The following STK39 variants were observed in gnomAD, a reference collection of about 807,000 sequenced individuals.
STK39 encodes the protein STE20/SPS1-related proline-alanine-rich protein kinase.
A neutral mutation model predicts 77.8 loss-of-function variants in STK39; 20 were observed. That is an observed-to-expected ratio of 0.26 (90% CI 0.18 to 0.37). The LOEUF (loss-of-function observed/expected upper bound fraction) is 0.37, where lower values mean the gene tolerates loss of function less well. Ranked by LOEUF, STK39 falls within the 10% of genes least tolerant of loss-of-function variation. The probability of loss-of-function intolerance (pLI) is 1.00; values close to 1 mark genes in which losing one functional copy is unlikely to be tolerated. For missense variants in STK39, 479 were observed against 656.5 expected (o/e 0.73, Z 2.95); for synonymous variants, 246 against 234.1 (o/e 1.05, Z -0.47).
At chr2:168,057,525 T>C (rs1006906243) in intron 14 of STK39, among the ~76,000 whole-genome samples, 3 of 151,954 alleles carry the variant, frequency 2.0e-5, no homozygotes, top group African/African-American at 7.2e-5. Context: ...TGTGTTTCCT[T>C]AATTATAATC....
rs567638318 is a variant in STK39 at position 168,006,375 on chromosome 2, A to G, written c.1498+6259T>C. Among the ~76,000 whole-genome samples the G allele has an allele frequency of 2.0e-5, 3 of 152,316 alleles. No homozygotes were observed. The South Asian group carries it at 6.2e-4, about 32-fold the overall frequency. ...CTAATTCCTCAAAAATTTATATCAC[A>G]AAGTCTGGAGAGAACTTAGACCTTT... On this transcript the variant is annotated intron_variant, in intron 16 of 17. Coordinates refer to ENST00000355999, the MANE Select transcript of STK39 (RefSeq NM_013233.3).
intron 1 of STK39, among the ~76,000 whole-genome samples, chr2:168,230,983 C>T (rs533967007): frequency 6.6e-6 from 1 of 152,308 alleles, no homozygotes; most frequent in African/African-American, 2.4e-5. Context: ...CCACCCACCA[C>T]CCTACCAGAC....
chr2:167,982,448 G>C (rs1457289102), intron 16 of STK39, among the ~76,000 whole-genome samples: 1 of 152,172 alleles, frequency 6.6e-6, no homozygotes. Flanking sequence ...TCCTTCAAGA[G>C]GCAGCACTTA....
chr2:168,246,356 C>T (rs965998145), intron 1 of STK39, among the ~76,000 whole-genome samples: 1 of 152,214 alleles, frequency 6.6e-6, no homozygotes, highest in African/African-American at 2.4e-5. Flanking sequence ...CCGAGCCCTG[C>T]GACTCTGCCA....
At chr2:168,215,888 C>G (rs1334496044) in intron 1 of STK39, among the ~76,000 whole-genome samples, 5 of 152,188 alleles carry the variant, frequency 3.3e-5, no homozygotes, top group African/African-American at 9.7e-5. Flanking sequence ...AGCCACCTCT[C>G]AAGTGCACCT....
chr2:167,958,317 A>G (rs1188774516), intron 17 of STK39, among the ~76,000 whole-genome samples: 1 of 152,252 alleles, frequency 6.6e-6, no homozygotes, highest in Non-Finnish European at 1.5e-5. Flanking sequence ...TAATATAAAC[A>G]GTACATTTAA....
At chr2:168,076,102 G>A (rs984268748) in intron 10 of STK39, among the ~76,000 whole-genome samples, 5 of 152,178 alleles carry the variant, frequency 3.3e-5, no homozygotes, top group African/African-American at 1.2e-4. Context: ...AAGCACTGTA[G>A]CAGATGAACA....
At position 168,204,750 on chromosome 2, in the gene STK39, T is replaced by C. The variant is rs187730784; in HGVS notation, c.209-22660A>G. ...GGCATAACAGCAGGTAAAAAGGAGA[T>C]GATCGTTTTTAATGGTTCTTTTGTG... is the stretch of plus-strand genomic sequence containing the variant. On this transcript the variant is annotated intron_variant, in intron 1 of 17. Coordinates refer to ENST00000355999, the MANE Select transcript of STK39 (RefSeq NM_013233.3). Among the ~76,000 whole-genome samples, 162 of 152,308 alleles carry C rather than the reference T, an allele frequency of 1.1e-3. 1 individual carries two copies. Among genetic ancestry groups the C allele is most frequent in the African/African-American group, 3.5e-3 (145 of 41,584 alleles).
intron 16 of STK39, among the ~76,000 whole-genome samples, chr2:167,994,154 C>A (rs1024204883): frequency 1.2e-4 from 18 of 152,156 alleles, no homozygotes; most frequent in African/African-American, 4.3e-4. Flanking sequence ...CAGAATTTTC[C>A]ATTGTTATGA....
At chr2:168,169,631 CGTGT>C (rs10611769) in intron 2 of STK39, among the ~76,000 whole-genome samples, 83 of 145,880 alleles carry the variant, frequency 5.7e-4, no homozygotes, top group Middle Eastern at 3.5e-3. Flanking sequence ...TTGCAGTGAG[CGTGT>C]GTGTGTGTGT....
chr2:167,956,696 A>T lies in STK39; in HGVS notation c.1564-1126T>A, dbSNP rs867799956. Among the ~76,000 whole-genome samples the T allele has an allele frequency of 2.9e-4, 14 of 49,010 alleles. 1 individual carries two copies. The highest frequency in any genetic ancestry group is 4.4e-4 in the Non-Finnish European group (10 of 22,522). 32.2% of individuals were successfully genotyped at this position (49,010 alleles called of 152,430 possible). On this transcript the variant is annotated intron_variant, in intron 17 of 17. Transcript: ENST00000355999. ...CACACACACACACACACACACACACACTCTCTCTCTCTCTCTCTCTCTCTC... is the reference window on the plus strand; with the variant it reads ...CACACACACACACACACACACACACTCTCTCTCTCTCTCTCTCTCTCTCTC...
At chr2:168,082,218 G>T (rs548146170) in intron 10 of STK39, among the ~76,000 whole-genome samples, 19 of 152,216 alleles carry the variant, frequency 1.2e-4, no homozygotes, top group African/African-American at 4.1e-4. Flanking sequence ...TACATCATCT[G>T]TAAATATGCT....
intron 17 of STK39, among the ~76,000 whole-genome samples, chr2:167,963,725 T>G (rs1692065251): frequency 6.6e-6 from 1 of 152,190 alleles, no homozygotes; most frequent in Admixed American, 6.5e-5. Context: ...TATCTAAAAT[T>G]AGATGGGAAG....
intron 1 of STK39, among the ~76,000 whole-genome samples, chr2:168,203,759 A>AT (rs1168532210): frequency 2.0e-5 from 3 of 152,110 alleles, no homozygotes; most frequent in Admixed American, 6.5e-5. Flanking sequence ...TGCCCCACTA[A>AT]TTTTTTGTAT....
At chr2:168,145,003 C>T (rs555106722) in intron 5 of STK39, among the ~76,000 whole-genome samples, 95 of 151,894 alleles carry the variant, frequency 6.3e-4, no homozygotes, top group African/African-American at 2.0e-3. Context: ...AAGAATATTC[C>T]CACCTAAGTA....
intron 3 of STK39, among the ~76,000 whole-genome samples, chr2:168,164,448 A>G (rs866914445): frequency 6.6e-6 from 1 of 152,062 alleles, no homozygotes; most frequent in South Asian, 2.1e-4. Flanking sequence ...CCTCTGTCAT[A>G]TAAGCTGGAG....
chr2:168,181,849 G>A (rs1013698142), intron 2 of STK39, 129 bp downstream of exon 2: 3 of 688,394 alleles, frequency 4.4e-6, no homozygotes, highest in Non-Finnish European at 7.6e-6. Flanking sequence ...GCAGGAAGTG[G>A]TAGGGGCTGC....
chr2:167,999,950 T>C (rs982789032), intron 16 of STK39, among the ~76,000 whole-genome samples: 1 of 152,214 alleles, frequency 6.6e-6, no homozygotes, highest in African/African-American at 2.4e-5. Context: ...GGTGTCCTCA[T>C]ACTGGCTGGT....
intron 14 of STK39, among the ~76,000 whole-genome samples, chr2:168,018,485 T>C (rs932126693): frequency 7.1e-6 from 1 of 139,910 alleles, no homozygotes; most frequent in South Asian, 2.3e-4. Flanking sequence ...AGAGCAAGAG[T>C]TCATCTCATT....
Sources: gnomAD v4.1 joint callset for allele counts (sites outside exome capture counted in the v4.1 genomes callset) on GRCh38, gnomAD v4.1.1 for gene constraint, MANE v1.5 for transcripts, NCBI Gene and HGNC (gene_info 2026-07-23, HGNC 2026-07-21) for gene names.